RASGRP1: variants seen among roughly 807,000 people sequenced by gnomAD.
RASGRP1 encodes the protein RAS guanyl-releasing protein 1.
Under a neutral mutation model 95.1 loss-of-function variants are expected in RASGRP1, and 37 were observed. The observed-to-expected ratio is 0.39, with a 90% confidence interval of 0.30 to 0.51. RASGRP1 has a LOEUF of 0.51. RASGRP1 is among the 20% of genes least tolerant of loss of function. The pLI, the probability that RASGRP1 is intolerant of heterozygous loss-of-function variation, is 0.80. For synonymous variants in RASGRP1, 325 were observed against 353.4 expected, an observed-to-expected ratio of 0.92 and a Z score of 0.90; for missense variants, 711 against 965.4, an observed-to-expected ratio of 0.74 and a Z score of 3.49.
intron 3 of RASGRP1, among the ~76,000 whole-genome samples, chr15:38,524,901 G>A (rs1281760200): frequency 1.3e-5 from 2 of 151,944 alleles, no homozygotes; most frequent in African/African-American, 2.4e-5. Context: ...AAGGGAGGGG[G>A]GGTCTGCCCC....
Position 38,501,301 on chromosome 15 carries a change from A to T in RASGRP1, c.1539-14T>A, listed in dbSNP as rs1891008586. On this transcript the variant is annotated splice_polypyrimidine_tract_variant and intron_variant, in intron 12 of 16. Coordinates refer to ENST00000310803, the MANE Select transcript of RASGRP1 (RefSeq NM_005739.4). ...ATGAGGCCTTCCCTGCCGGCAGATG[A>T]CCAAGGCAAGGATGTGAGTATAAGG... The T allele has an allele frequency of 1.2e-6, 2 of 1,613,182 alleles. No individual in the cohort carries two copies. The highest frequency in any genetic ancestry group is 1.7e-6 in the Non-Finnish European group (2 of 1,179,322).
chr15:38,494,537 T>C lies in RASGRP1; in HGVS notation c.2104A>G (p.Thr702Ala), dbSNP rs1177137600. The C allele has an allele frequency of 6.3e-7, 1 of 1,589,656 alleles. No individual in the cohort carries two copies. Among genetic ancestry groups the C allele is most frequent in the African/African-American group, 1.3e-5 (1 of 74,268 alleles). ...GTGGGACTGGGAAGCACATATAGAGTATCCTGGGCTGTCTTCCTTGGGGAA... is the reference window on the plus strand; with the variant it reads ...GTGGGACTGGGAAGCACATATAGAGCATCCTGGGCTGTCTTCCTTGGGGAA... ...LSSPRKTAQD[T>A]LYVLPSPTSP... The change falls in exon 16 of 17, where the codon ACT becomes GCT. Residue 702 changes from threonine to alanine, a missense_variant. This residue lies in a region of RASGRP1 where 212 missense variants were observed against 247.8 expected (regional missense o/e 0.86). Coordinates refer to ENST00000310803, the MANE Select transcript of RASGRP1 (RefSeq NM_005739.4).
intron 3 of RASGRP1, among the ~76,000 whole-genome samples, chr15:38,520,470 T>C (rs936922639): frequency 4.6e-5 from 7 of 152,246 alleles, no homozygotes; most frequent in African/African-American, 1.7e-4. Context: ...GAAGGAGATC[T>C]GTGCATTTTG....
intron 2 of RASGRP1, among the ~76,000 whole-genome samples, chr15:38,535,860 T>C (rs1165233438): frequency 6.6e-6 from 1 of 152,188 alleles, no homozygotes; most frequent in East Asian, 1.9e-4. Flanking sequence ...TCTGGACTTG[T>C]CATGTCTGAA....
chr15:38,536,615 C>G (rs1314900350), intron 2 of RASGRP1, among the ~76,000 whole-genome samples: 4 of 152,192 alleles, frequency 2.6e-5, no homozygotes, highest in African/African-American at 9.7e-5. Context: ...CAATTTTTCT[C>G]AATGAGTGAC....
At chr15:38,514,439 T>A (rs1891678478) in intron 6 of RASGRP1, among the ~76,000 whole-genome samples, 1 of 152,144 alleles carries the variant, frequency 6.6e-6, no homozygotes, top group Admixed American at 6.6e-5. Context: ...TAACTTTAAA[T>A]CCACTTGTTT....
At position 38,504,740 on chromosome 15, in the gene RASGRP1, A is replaced by G. The variant is rs1405526893; in HGVS notation, c.1323+1100T>C. On this transcript the variant is annotated intron_variant, in intron 10 of 16. Transcript: ENST00000310803. ...AGTATTATGTACTGTACGTAAGTGT[A>G]TAACCTAGACTTTTTACAGCTCAGT... 7 of 152,350 alleles carry G rather than the reference A, an allele frequency of 4.6e-5. No individual in the cohort carries two copies. The South Asian group carries it at 1.2e-3, about 27-fold the overall frequency. 9.4% of individuals were successfully genotyped at this position (152,350 alleles called of 1,614,324 possible).
At chr15:38,512,073 C>T (rs1342937581) in intron 7 of RASGRP1, among the ~76,000 whole-genome samples, 2 of 152,186 alleles carry the variant, frequency 1.3e-5, no homozygotes, top group Non-Finnish European at 2.9e-5. Flanking sequence ...GAGATCTGTA[C>T]TTTTAATATA....
chr15:38,509,529 C>A (rs1891411307), intron 8 of RASGRP1, among the ~76,000 whole-genome samples: 1 of 152,170 alleles, frequency 6.6e-6, no homozygotes, highest in Non-Finnish European at 1.5e-5. Context: ...AAGTTCAAGA[C>A]CAGCCTGGCT....
intron 8 of RASGRP1, among the ~76,000 whole-genome samples, chr15:38,511,387 G>A (rs1318175771): frequency 6.6e-6 from 1 of 152,186 alleles, no homozygotes; most frequent in Admixed American, 6.6e-5. Flanking sequence ...AATGTTTGCA[G>A]TGACACTGTC....
At chr15:38,541,043 T>C (rs1892838956) in intron 2 of RASGRP1, among the ~76,000 whole-genome samples, 1 of 152,160 alleles carries the variant, frequency 6.6e-6, no homozygotes, top group Non-Finnish European at 1.5e-5. Context: ...GAGCAGACCA[T>C]GAGACCATGT....
chr15:38,547,118 G>T (rs914127758), intron 2 of RASGRP1, among the ~76,000 whole-genome samples: 1 of 152,158 alleles, frequency 6.6e-6, no homozygotes, highest in Admixed American at 6.5e-5. Context: ...ATATCTACAT[G>T]TATACACTTT....
At chr15:38,542,844 T>TACAC (rs1266819886) in intron 2 of RASGRP1, among the ~76,000 whole-genome samples, 1 of 126,910 alleles carries the variant, frequency 7.9e-6, no homozygotes, top group East Asian at 5.7e-4. Flanking sequence ...TGTATATATA[T>TACAC]ATATGTGTAT....
chr15:38,543,730 G>T (rs35829671), intron 2 of RASGRP1, among the ~76,000 whole-genome samples: 1 of 145,828 alleles, frequency 6.9e-6, no homozygotes, highest in African/African-American at 2.6e-5. Context: ...TTCAGTTCTA[G>T]AATTCCATTT....
Position 38,532,049 on chromosome 15 carries a change from C to A in RASGRP1, c.221-5645G>T, listed in dbSNP as rs72727382. 7.4e-3 allele frequency among the ~76,000 whole-genome samples: 1,125 copies of A among 152,196 alleles called. 5 individuals carry two copies. Among genetic ancestry groups the A allele is most frequent in the Non-Finnish European group, 0.012 (789 of 68,002 alleles). On this transcript the variant is annotated intron_variant, in intron 2 of 16. Transcript: ENST00000310803. ...AGAGGAAGAGCCTCCCTTTGAAAGA[C>A]GAGATTTTCAAAGTGGGTGGTCAAG...
At chr15:38,546,826 A>C (rs2012552459) in intron 2 of RASGRP1, among the ~76,000 whole-genome samples, 1 of 152,128 alleles carries the variant, frequency 6.6e-6, no homozygotes, top group Admixed American at 6.5e-5. Context: ...AATCTACTAA[A>C]ATCTCTTGGT....
At position 38,507,837 on chromosome 15, in the gene RASGRP1, T is replaced by C. The variant is rs779828322; in HGVS notation, c.1131A>G (p.Lys377=). The change falls in exon 9 of 17, where the codon AAA becomes AAG. Residue 377 remains lysine, a synonymous_variant. Coordinates refer to ENST00000310803, the MANE Select transcript of RASGRP1 (RefSeq NM_005739.4). ...GGGCCAGTAGCTTATGGACGTTCAC[T>C]TTCCCGTCCTCCAGATAGTCAGGCA... The part of the protein sequence containing the change: ...EAMPDYLEDG[K]VNVHKLLALY... The C allele has an allele frequency of 2.5e-6, 4 of 1,613,574 alleles. No homozygotes were observed. The highest frequency in any genetic ancestry group is 2.2e-5 in the East Asian group (1 of 44,806).
intron 10 of RASGRP1, 28 bp from the exon 11 acceptor site, chr15:38,503,404 C>T (rs1238996911): frequency 2.7e-6 from 4 of 1,473,268 alleles, no homozygotes; most frequent in South Asian, 1.2e-5. Flanking sequence ...GAGAAATCCT[C>T]ATGACTACAA....
In RASGRP1 at chr15:38,488,631, A is replaced by G. The variant is rs896008489; in HGVS notation, c.*1923T>C. On this transcript the variant is annotated 3_prime_UTR_variant, in exon 17 of 17. Transcript: ENST00000310803. Reference sequence around the variant, plus strand: ...CCTTTTGAATCCCTATAGATTATTTATATAAAAACTAACTGGGGATCTTTA... The same window carrying G: ...CCTTTTGAATCCCTATAGATTATTTGTATAAAAACTAACTGGGGATCTTTA... 6.6e-6 allele frequency: 1 copy of G among 151,984 alleles called. No individual in the cohort carries two copies. The highest frequency in any genetic ancestry group is 1.5e-5 in the Non-Finnish European group (1 of 67,878). The allele number at this position is 151,984 out of a possible 1,614,324, so 9.4% of individuals were successfully genotyped here.
Sources: allele counts gnomAD v4.1 joint callset (sites outside exome capture counted in the v4.1 genomes callset), GRCh38; gene constraint gnomAD v4.1.1; regional missense constraint gnomAD v4.1.1; transcripts MANE v1.5; gene names NCBI Gene and HGNC (gene_info 2026-07-23, HGNC 2026-07-21).